Variants in KMT2C observed in about 807,000 individuals in gnomAD.
KMT2C encodes histone-lysine N-methyltransferase 2C.
A neutral mutation model predicts 507.9 loss-of-function variants in KMT2C; 88 were observed. The observed-to-expected ratio is 0.17, with a 90% CI of 0.15 to 0.21. The LOEUF (loss-of-function observed/expected upper bound fraction) is 0.21. KMT2C is among the 10% of genes least tolerant of loss of function. KMT2C has a pLI of 1.00. For missense variants in KMT2C, 4,954 were observed against 5,957.8 expected (o/e 0.83, Z 5.55); for synonymous variants, 2,049 against 2,080.8 (o/e 0.98, Z 0.42).
In KMT2C at chr7:152,167,626, A is replaced by G. The variant is rs867608760; in HGVS notation, c.9518-248T>C. On this transcript the variant is annotated intron_variant, in intron 41 of 58. Transcript: ENST00000262189. ...TAACTTAGCACTTATAAATATTACA[A>G]ATCCAATCTTGGAAAAGCAGACTTA... Among the ~76,000 whole-genome samples the G allele has an allele frequency of 2.0e-5, 3 of 152,242 alleles. No homozygotes were observed. The South Asian group carries it at 6.2e-4, about 31-fold the overall frequency.
At chr7:152,147,310 G>A (rs2091202054) in intron 52 of KMT2C, among the ~76,000 whole-genome samples, 1 of 151,992 alleles carries the variant, frequency 6.6e-6, no homozygotes, top group African/African-American at 2.4e-5. Context: ...AATATCTGAT[G>A]TTCCTATACA....
chr7:152,367,615 A>G, intron 1 of KMT2C: 3 of 1,371,682 alleles, frequency 2.2e-6, no homozygotes, highest in Non-Finnish European at 3.1e-6. Context: ...TAGAATTAAA[A>G]AGACTATACA....
At chr7:152,167,919 A>G (rs10265447) in intron 41 of KMT2C, among the ~76,000 whole-genome samples, 6 of 152,200 alleles carry the variant, frequency 3.9e-5, no homozygotes, top group Non-Finnish European at 2.9e-5. Context: ...GGAATAATTT[A>G]AAGTCTATGA....
chr7:152,312,155 GAA>G, intron 4 of KMT2C: 1 of 361,624 alleles, frequency 2.8e-6, no homozygotes, highest in Non-Finnish European at 4.9e-6. Flanking sequence ...TAACAAGTAA[GAA>G]AAAGAGTCTC....
At chr7:152,325,298 A>G (rs887096921) in intron 3 of KMT2C, among the ~76,000 whole-genome samples, 3 of 149,792 alleles carry the variant, frequency 2.0e-5, no homozygotes, top group African/African-American at 7.3e-5. Flanking sequence ...ACAGGTGCCC[A>G]CCACCACGCC....
chr7:152,140,229 A>C (rs1160526789), intron 55 of KMT2C, among the ~76,000 whole-genome samples: 1 of 152,224 alleles, frequency 6.6e-6, no homozygotes, highest in Non-Finnish European at 1.5e-5. Context: ...CTGATACTGT[A>C]AACAGGGTTC....
intron 3 of KMT2C, 29 bp from the exon 4 acceptor site, chr7:152,315,367 A>AG (rs2096712681): frequency 6.4e-7 from 1 of 1,552,330 alleles, no homozygotes; most frequent in Non-Finnish European, 8.9e-7. Context: ...AAGTCAGAGA[A>AG]GGAGAAAAGT....
At chr7:152,307,671 T>G (rs1016740327) in intron 6 of KMT2C, among the ~76,000 whole-genome samples, 2 of 152,164 alleles carry the variant, frequency 1.3e-5, no homozygotes, top group Admixed American at 6.5e-5. Context: ...TAGGACACAG[T>G]CTTCATCTCT....
At chr7:152,290,634 G>A (rs1313555496) in intron 6 of KMT2C, among the ~76,000 whole-genome samples, 1 of 151,892 alleles carries the variant, frequency 6.6e-6, no homozygotes, top group Non-Finnish European at 1.5e-5. Flanking sequence ...AAAGGGTAAA[G>A]ATATAAAGTT....
At chr7:152,268,223 G>A (rs1249907251) in intron 7 of KMT2C, among the ~76,000 whole-genome samples, 1 of 152,104 alleles carries the variant, frequency 6.6e-6, no homozygotes, top group Non-Finnish European at 1.5e-5. Context: ...AGGCTGCTGT[G>A]ACTGGAGTTT....
At chr7:152,411,994 A>G (rs977084166) in intron 1 of KMT2C, among the ~76,000 whole-genome samples, 10 of 152,266 alleles carry the variant, frequency 6.6e-5, no homozygotes, top group African/African-American at 2.4e-4. Context: ...TAAATAAATA[A>G]ATAGATCTTC....
chr7:152,391,169 C>T (rs1435667965), intron 1 of KMT2C, among the ~76,000 whole-genome samples: 1 of 84,520 alleles, frequency 1.2e-5, no homozygotes, highest in African/African-American at 4.4e-5. Context: ...AAAAAAAAAG[C>T]CTTAAAATCT....
chr7:152,138,880 A>G lies in KMT2C; in HGVS notation c.14559T>C (p.Pro4853=), dbSNP rs1259917057. The G allele has an allele frequency of 2.4e-5, 38 of 1,613,918 alleles. No individual in the cohort carries two copies. Among genetic ancestry groups the G allele is most frequent in the Non-Finnish European group, 3.2e-5 (38 of 1,179,794 alleles). The change falls in exon 58 of 59, where the codon CCT becomes CCC. Residue 4853 remains proline (P), a synonymous_variant. Coordinates refer to ENST00000262189, the MANE Select transcript of KMT2C (RefSeq NM_170606.3). The surrounding 1 kb of genome is among the most constrained non-coding windows in gnomAD (Gnocchi z 4.2). ...PARYINHSCA[P]NCVAEVVTFE... ...AAGTCACCACTTCAGCCACACAATT[A>G]GGTGCACACGAATGGTTGATATACC...
chr7:152,335,894 A>G (rs1042373276), intron 2 of KMT2C, among the ~76,000 whole-genome samples: 8 of 151,746 alleles, frequency 5.3e-5, no homozygotes, highest in African/African-American at 1.9e-4. Context: ...AAAAAAACAG[A>G]TTCAGACTAT....
intron 33 of KMT2C, among the ~76,000 whole-genome samples, chr7:152,186,707 A>G (rs1395445333): frequency 1.3e-5 from 2 of 152,220 alleles, no homozygotes; most frequent in African/African-American, 4.8e-5. Flanking sequence ...ACTCAAAATA[A>G]TAAAACCGCA....
intron 44 of KMT2C, chr7:152,157,667 G>A (rs567703060): frequency 1.3e-6 from 1 of 777,130 alleles, no homozygotes; most frequent in African/African-American, 1.9e-5. Flanking sequence ...TGGAAGAGTA[G>A]ATGTAAACTA....
chr7:152,365,168 A>C (rs2097231404), intron 1 of KMT2C, among the ~76,000 whole-genome samples: 1 of 152,064 alleles, frequency 6.6e-6, no homozygotes, highest in African/African-American at 2.4e-5. Context: ...TAAAGGAAAA[A>C]CCCTTCTAAA....
At chr7:152,294,384 T>C (rs1314514046) in intron 6 of KMT2C, among the ~76,000 whole-genome samples, 9 of 152,200 alleles carry the variant, frequency 5.9e-5, no homozygotes, top group Non-Finnish European at 1.5e-5. Context: ...ACAGGTAACA[T>C]GACCTGGGGA....
chr7:152,394,625 T>G (rs2097525869), intron 1 of KMT2C, among the ~76,000 whole-genome samples: 1 of 152,224 alleles, frequency 6.6e-6, no homozygotes, highest in East Asian at 1.9e-4. Context: ...TTTTTTTCCA[T>G]AAAACTTAAC....
Sources: allele counts gnomAD v4.1 joint callset (sites outside exome capture counted in the v4.1 genomes callset), GRCh38; gene constraint gnomAD v4.1.1; non-coding constraint Gnocchi (gnomAD v3.1); transcripts MANE v1.5; gene names NCBI Gene and HGNC (gene_info 2026-07-23, HGNC 2026-07-21).